Variants in GRM7 observed in about 807,000 individuals in gnomAD.
The protein encoded by GRM7 is glutamate metabotropic receptor 7.
Under a neutral mutation model 84.5 loss-of-function variants are expected in GRM7, and 35 were observed. The ratio of observed to expected loss-of-function variants is 0.41; its 90% CI spans 0.32 to 0.55. The LOEUF is 0.55. Ranked by LOEUF, GRM7 falls within the 20% of genes least tolerant of loss-of-function variation. GRM7 has a pLI of 0.19. For synonymous variants in GRM7, 487 were observed against 455.1 expected (o/e 1.07, Z -0.89); for missense variants, 1,003 against 1,194.6 (o/e 0.84, Z 2.36).
chr3:7,533,298 C>G (rs1407328760), intron 7 of GRM7, among the ~76,000 whole-genome samples: 1 of 152,202 alleles, frequency 6.6e-6, no homozygotes, highest in African/African-American at 2.4e-5. Context: ...CAAACATTCT[C>G]TCAGACCACA....
intron 1 of GRM7, among the ~76,000 whole-genome samples, chr3:7,016,686 A>G (rs548215554): frequency 6.6e-6 from 1 of 152,330 alleles, no homozygotes; most frequent in South Asian, 2.1e-4. Context: ...GCATAATGGT[A>G]GTAATAATAA....
intron 1 of GRM7, among the ~76,000 whole-genome samples, chr3:6,924,982 T>C (rs544184303): frequency 6.6e-6 from 1 of 152,246 alleles, no homozygotes; most frequent in South Asian, 2.1e-4. Context: ...CACAGTTACA[T>C]ACGAAGTCTA....
intron 1 of GRM7, among the ~76,000 whole-genome samples, chr3:7,089,875 C>T (rs1171731144): frequency 6.6e-6 from 1 of 152,076 alleles, no homozygotes; most frequent in East Asian, 1.9e-4. Flanking sequence ...TGGAGTCTCC[C>T]TCTGTCACCC....
At chr3:7,224,594 TGAG>T (rs1325030666) in intron 2 of GRM7, among the ~76,000 whole-genome samples, 4 of 152,230 alleles carry the variant, frequency 2.6e-5, no homozygotes, top group East Asian at 1.9e-4. Context: ...GTAAGAGAAA[TGAG>T]GAGCTTAGTG....
intron 8 of GRM7, among the ~76,000 whole-genome samples, chr3:7,620,525 G>A (rs1055499667): frequency 1.3e-5 from 2 of 152,056 alleles, no homozygotes; most frequent in Non-Finnish European, 2.9e-5. Flanking sequence ...AAGAACAGCA[G>A]TCCTCATTTT....
At chr3:7,009,019 A>G (rs1408294896) in intron 1 of GRM7, among the ~76,000 whole-genome samples, 1 of 152,194 alleles carries the variant, frequency 6.6e-6, no homozygotes, top group Admixed American at 6.5e-5. Flanking sequence ...TTGCCTCTTT[A>G]TGAATAGAAC....
Position 7,418,298 on chromosome 3 carries a change from G to T in GRM7, c.1174+3135G>T, listed in dbSNP as rs1047451372. Among the ~76,000 whole-genome samples, 23 of 152,096 alleles carry T rather than the reference G, an allele frequency of 1.5e-4. 1 individual carries two copies. Among genetic ancestry groups the T allele is most frequent in the Non-Finnish European group, 4.4e-5 (3 of 68,026 alleles). ...AACCGTTGATATAGATCAGGCATTC[G>T]CAGTGAGCCATCCTGCTCATGGGAT... On this transcript the variant is annotated intron_variant, in intron 5 of 9. Coordinates refer to ENST00000357716, the MANE Select transcript of GRM7 (RefSeq NM_000844.4).
chr3:7,574,977 G>A (rs1001838462), intron 7 of GRM7, among the ~76,000 whole-genome samples: 28 of 152,194 alleles, frequency 1.8e-4, no homozygotes, highest in African/African-American at 6.0e-4. Flanking sequence ...TGGCATATTC[G>A]TTCTTTGTTC....
intron 1 of GRM7, among the ~76,000 whole-genome samples, chr3:6,987,536 A>G (rs1364183162): frequency 6.6e-6 from 1 of 152,196 alleles, no homozygotes; most frequent in African/African-American, 2.4e-5. Context: ...GGCACAGGTA[A>G]GAGCAAGTGC....
intron 8 of GRM7, among the ~76,000 whole-genome samples, chr3:7,634,552 G>A (rs1216599723): frequency 6.7e-6 from 1 of 150,076 alleles, no homozygotes; most frequent in African/African-American, 2.5e-5. Flanking sequence ...TTGGGAGGCC[G>A]AGGCGGGTGG....
intron 7 of GRM7, among the ~76,000 whole-genome samples, chr3:7,534,702 T>C (rs1701174909): frequency 6.6e-6 from 1 of 152,166 alleles, no homozygotes; most frequent in Non-Finnish European, 1.5e-5. Flanking sequence ...CTATGTGGAA[T>C]ATATAGTTGA....
At chr3:7,439,569 C>A (rs1203197760) in intron 5 of GRM7, among the ~76,000 whole-genome samples, 1 of 152,182 alleles carries the variant, frequency 6.6e-6, no homozygotes, top group Admixed American at 6.5e-5. Flanking sequence ...AAATCCCAGA[C>A]CCTTCACAGT....
rs192028645 is a variant in GRM7 at position 6,883,214 on chromosome 3, G to A, written c.519+21307G>A. ...ATTGACTGTTTGTATTTCTTCTTTT[G>A]TGACTTTATGACCTTTATGCATTTA... On this transcript the variant is annotated intron_variant, in intron 1 of 9. Transcript: ENST00000357716. Among the ~76,000 whole-genome samples the A allele has an allele frequency of 3.2e-3, 485 of 152,010 alleles. 2 individuals carry two copies. The highest frequency in any genetic ancestry group is 5.0e-3 in the Non-Finnish European group (338 of 67,944).
At chr3:7,409,113 GTGAATTTAAAATC>G (rs1695805471) in intron 4 of GRM7, among the ~76,000 whole-genome samples, 1 of 152,088 alleles carries the variant, frequency 6.6e-6, no homozygotes, top group Admixed American at 6.5e-5. Context: ...TTCAATAATA[GTGAATTTAAAATC>G]TGAATTTAAA....
intron 7 of GRM7, among the ~76,000 whole-genome samples, chr3:7,571,988 C>T (rs1311217511): frequency 6.6e-6 from 1 of 152,140 alleles, no homozygotes. Context: ...TCTCATGAGA[C>T]TCATTCACTA....
At chr3:7,226,045 T>A (rs1000405012) in intron 2 of GRM7, among the ~76,000 whole-genome samples, 2 of 152,188 alleles carry the variant, frequency 1.3e-5, no homozygotes, top group Non-Finnish European at 2.9e-5. Flanking sequence ...ATAAAATAAT[T>A]TTCACTTATT....
chr3:6,907,115 A>C (rs574171983), intron 1 of GRM7, among the ~76,000 whole-genome samples: 16 of 152,236 alleles, frequency 1.1e-4, no homozygotes, highest in African/African-American at 3.9e-4. Context: ...CGTGTTGCCC[A>C]GGCTGTCTTG....
Position 6,861,932 on chromosome 3 carries a change from G to T in GRM7, c.519+25G>T. ...GGTAGGGATGCGCTCCCTCCGGGGC[G>T]GAGCACACAGTGGCTACCTGCGCCC... On this transcript the variant is annotated intron_variant, in intron 1 of 9. Coordinates refer to ENST00000357716, the MANE Select transcript of GRM7 (RefSeq NM_000844.4). This position sits in a 1 kb window ranked among gnomAD's most constrained non-coding sequence, Gnocchi z 6.4. The T allele has an allele frequency of 1.9e-6, 3 of 1,581,664 alleles. No individual in the cohort carries two copies. Among genetic ancestry groups the T allele is most frequent in the Non-Finnish European group, 2.6e-6 (3 of 1,158,918 alleles).
At chr3:6,899,629 G>A (rs1321354721) in intron 1 of GRM7, among the ~76,000 whole-genome samples, 1 of 152,118 alleles carries the variant, frequency 6.6e-6, no homozygotes, top group African/African-American at 2.4e-5. Context: ...CTTAAAATAG[G>A]TCCATGAGAA....
Sources: gnomAD v4.1 joint callset for allele counts (sites outside exome capture counted in the v4.1 genomes callset) on GRCh38, gnomAD v4.1.1 for gene constraint, Gnocchi (gnomAD v3.1) non-coding constraint, MANE v1.5 for transcripts, NCBI Gene and HGNC (gene_info 2026-07-23, HGNC 2026-07-21) for gene names.